Variants in SLC12A8 observed in about 807,000 individuals in gnomAD.
SLC12A8 encodes cation-chloride cotransporter 9.
A neutral mutation model predicts 75.6 loss-of-function variants in SLC12A8; 69 were observed. The ratio of observed to expected loss-of-function variants is 0.91; its 90% CI spans 0.75 to 1.11. SLC12A8 has a LOEUF of 1.11. Ranked by LOEUF, SLC12A8 falls within the 50% of genes most tolerant of loss-of-function variation. SLC12A8 has a pLI of 0.00. For synonymous variants in SLC12A8, 365 were observed against 372.8 expected (o/e 0.98, Z 0.24); for missense variants, 877 against 896.7 (o/e 0.98, Z 0.28).
chr3:125,209,923 A>G (rs778137679), intron 2 of SLC12A8, among the ~76,000 whole-genome samples: 3 of 152,234 alleles, frequency 2.0e-5, no homozygotes, highest in Non-Finnish European at 4.4e-5. Flanking sequence ...GAATCATCCA[A>G]TCAAGAAATG....
At chr3:125,088,966 T>C (rs916780573) in intron 12 of SLC12A8, among the ~76,000 whole-genome samples, 4 of 152,186 alleles carry the variant, frequency 2.6e-5, no homozygotes, top group African/African-American at 9.7e-5. Context: ...GGTTTATCAA[T>C]TGAAAAAAAT....
At chr3:125,091,222 C>T (rs1240543289) in intron 12 of SLC12A8, among the ~76,000 whole-genome samples, 2 of 151,980 alleles carry the variant, frequency 1.3e-5, no homozygotes, top group Non-Finnish European at 2.9e-5. Flanking sequence ...TTCATTTTTA[C>T]TTCTACATAT....
intron 3 of SLC12A8, 40 bp downstream of exon 3, chr3:125,190,335 G>T: frequency 6.2e-7 from 1 of 1,608,444 alleles, no homozygotes; most frequent in Non-Finnish European, 8.5e-7. Context: ...TTCCTGTCTT[G>T]GGCCCGTGAG....
chr3:125,085,139 AAC>A (rs1299851738), intron 13 of SLC12A8, among the ~76,000 whole-genome samples: 3 of 152,234 alleles, frequency 2.0e-5, no homozygotes, highest in Non-Finnish European at 4.4e-5. Context: ...GGTTCTTGAG[AAC>A]TGAATTAACT....
Position 125,128,177 on chromosome 3 carries a change from A to ATTTTTT in SLC12A8, c.736+7491_737-7491insAAAAAA, listed in dbSNP as rs776219498. Among the ~76,000 whole-genome samples, 3 of 98,316 alleles carry ATTTTTT rather than the reference A, an allele frequency of 3.1e-5. 1 individual carries two copies. Among genetic ancestry groups the ATTTTTT allele is most frequent in the Non-Finnish European group, 6.6e-5 (3 of 45,308 alleles). The allele number at this position is 98,316 out of a possible 152,430, so 64.5% of individuals were successfully genotyped here. A position where few individuals can be genotyped will look rare whatever the true frequency, so the allele number is the denominator to read the frequency against. Reference sequence around the variant, plus strand: ...GAGCCACCGTGCCCGGCCTAAGCTTATTTTTATTTTTTTTTTTTTTTGAGA... The same window carrying ATTTTTT: ...GAGCCACCGTGCCCGGCCTAAGCTTATTTTTTTTTTTATTTTTTTTTTTTTTTGAGA... On this transcript the variant is annotated intron_variant, in intron 6 of 13. Transcript: ENST00000469902.
intron 7 of SLC12A8, chr3:125,119,830 T>C (rs1468077842): frequency 6.6e-6 from 3 of 456,572 alleles, no homozygotes; most frequent in Non-Finnish European, 1.3e-5. Flanking sequence ...AAGTCATTGT[T>C]TCTGGTCTCT....
intron 5 of SLC12A8, among the ~76,000 whole-genome samples, chr3:125,143,018 T>C (rs1933687066): frequency 6.6e-6 from 1 of 152,208 alleles, no homozygotes; most frequent in South Asian, 2.1e-4. Flanking sequence ...TGGCCGATAA[T>C]GAGAGATTAC....
intron 6 of SLC12A8, among the ~76,000 whole-genome samples, chr3:125,129,097 G>T (rs931516631): frequency 6.6e-6 from 1 of 152,230 alleles, no homozygotes; most frequent in Non-Finnish European, 1.5e-5. Context: ...TTCGTGCTGG[G>T]TGTGGTCAAC....
intron 10 of SLC12A8, among the ~76,000 whole-genome samples, chr3:125,101,128 A>C (rs1302017133): frequency 1.3e-5 from 2 of 151,936 alleles, no homozygotes; most frequent in African/African-American, 4.8e-5. Flanking sequence ...CACACTGTGT[A>C]GTGGTTAAGA....
At chr3:125,084,677 A>G (rs746474457) in intron 13 of SLC12A8, among the ~76,000 whole-genome samples, 18 of 152,232 alleles carry the variant, frequency 1.2e-4, no homozygotes, top group Non-Finnish European at 1.8e-4. Context: ...GAAAGTGCTA[A>G]GAGGAAGAAA....
At position 125,132,019 on chromosome 3, in the gene SLC12A8, C is replaced by T. The variant is rs188046686; in HGVS notation, c.736+3650G>A. Among the ~76,000 whole-genome samples the T allele has an allele frequency of 9.2e-5, 14 of 152,260 alleles. No individual in the cohort carries two copies. In the East Asian group the frequency reaches 1.7e-3, roughly 19 times the overall value. On this transcript the variant is annotated intron_variant, in intron 6 of 13. Coordinates refer to ENST00000469902, the MANE Select transcript of SLC12A8 (RefSeq NM_024628.6). ...TCAGATTTCCAGTCCTTGAACGTGG[C>T]TCAGAGGCAGCACAAACCTGAAAGG...
At chr3:125,182,501 TG>T (rs1934686179) in intron 4 of SLC12A8, among the ~76,000 whole-genome samples, 1 of 151,930 alleles carries the variant, frequency 6.6e-6, no homozygotes, top group African/African-American at 2.4e-5. Context: ...GTATGAAATT[TG>T]TCCCCATTTT....
intron 5 of SLC12A8, among the ~76,000 whole-genome samples, chr3:125,165,087 C>A (rs1303632545): frequency 7.2e-5 from 11 of 152,206 alleles, no homozygotes; most frequent in Admixed American, 7.2e-4. Flanking sequence ...ACTGTTCCTG[C>A]ATCTTTGAGG....
At chr3:125,206,793 A>C (rs1176966200) in intron 2 of SLC12A8, 1 of 152,236 alleles carries the variant, frequency 6.6e-6, no homozygotes, top group Non-Finnish European at 1.5e-5. Flanking sequence ...AAGGCGAGGC[A>C]GGCATCTTAT....
chr3:125,195,023 G>A (rs367748741), intron 2 of SLC12A8, among the ~76,000 whole-genome samples: 1 of 152,348 alleles, frequency 6.6e-6, no homozygotes, highest in Non-Finnish European at 1.5e-5. Context: ...CAGTCCACAT[G>A]TGCAGCTACA....
In SLC12A8 at chr3:125,107,458, C is replaced by T. The variant is rs375709091; in HGVS notation, c.1705+23G>A. On this transcript the variant is annotated intron_variant, in intron 10 of 13. Coordinates refer to ENST00000469902, the MANE Select transcript of SLC12A8 (RefSeq NM_024628.6). Reference sequence around the variant, plus strand: ...GTGGTCATCCCCAAATAAGAGGCCCCAGTGTGATACCAGAGCACTCACCTT... The same window carrying T: ...GTGGTCATCCCCAAATAAGAGGCCCTAGTGTGATACCAGAGCACTCACCTT... The T allele has an allele frequency of 9.1e-4, 1,442 of 1,582,386 alleles. 3 individuals carry two copies. The highest frequency in any genetic ancestry group is 1.1e-3 in the Non-Finnish European group (1,301 of 1,159,024).
chr3:125,170,782 G>A (rs1301375049), intron 5 of SLC12A8, among the ~76,000 whole-genome samples: 1 of 152,214 alleles, frequency 6.6e-6, no homozygotes, highest in Non-Finnish European at 1.5e-5. Flanking sequence ...GAGCATGGTG[G>A]CGGGCGCCTG....
intron 3 of SLC12A8, 79 bp from the exon 4 acceptor site, chr3:125,187,507 T>A: frequency 1.5e-6 from 2 of 1,302,160 alleles, no homozygotes; most frequent in Non-Finnish European, 1.1e-6. Context: ...ATTGACCACC[T>A]CCCCTCCTCC....
chr3:125,129,505 G>T (rs1335039468), intron 6 of SLC12A8, among the ~76,000 whole-genome samples: 1 of 141,170 alleles, frequency 7.1e-6, no homozygotes, highest in African/African-American at 2.6e-5. Flanking sequence ...CCTAAATCCA[G>T]AGGAGCACCA....
Sources: allele counts gnomAD v4.1 joint callset (sites outside exome capture counted in the v4.1 genomes callset), GRCh38; gene constraint gnomAD v4.1.1; transcripts MANE v1.5; gene names NCBI Gene and HGNC (gene_info 2026-07-23, HGNC 2026-07-21).